SEMA6D: variants seen among roughly 807,000 people sequenced by gnomAD.
SEMA6D encodes semaphorin 6D.
Under a neutral mutation model 106.6 loss-of-function variants are expected in SEMA6D, and 35 were observed. The observed-to-expected ratio is 0.33, with a 90% CI of 0.25 to 0.44. The LOEUF (loss-of-function observed/expected upper bound fraction) is 0.44, where lower values mean the gene tolerates loss of function less well. Ranked by LOEUF, SEMA6D falls within the 20% of genes least tolerant of loss-of-function variation. The pLI, the probability that SEMA6D is intolerant of heterozygous loss-of-function variation, is 1.00. For synonymous variants in SEMA6D, 499 were observed against 487.7 expected, an observed-to-expected ratio of 1.02 and a Z score of -0.31; for missense variants, 1,185 against 1,345.9, an observed-to-expected ratio of 0.88 and a Z score of 1.87.
At chr15:47,522,032 G>A (rs931541512) in intron 3 of SEMA6D, among the ~76,000 whole-genome samples, 2 of 151,954 alleles carry the variant, frequency 1.3e-5, no homozygotes, top group Non-Finnish European at 2.9e-5. Flanking sequence ...GACCTTTAAG[G>A]GAACTATATC....
chr15:47,726,552 A>G (rs1055821034), intron 1 of SEMA6D, among the ~76,000 whole-genome samples: 5 of 152,202 alleles, frequency 3.3e-5, no homozygotes, highest in African/African-American at 1.2e-4. Context: ...CTTGGAGTCA[A>G]CTTCGTGGGG....
chr15:47,466,494 G>C (rs2042663842), intron 2 of SEMA6D, among the ~76,000 whole-genome samples: 1 of 151,984 alleles, frequency 6.6e-6, no homozygotes, highest in Non-Finnish European at 1.5e-5. Context: ...TTTTCCTTTT[G>C]TTAAGGGCTG....
intron 1 of SEMA6D, chr15:47,274,869 G>A (rs1453882862): frequency 6.6e-6 from 1 of 152,146 alleles, no homozygotes; most frequent in African/African-American, 2.4e-5. Flanking sequence ...ATTTGTCTAT[G>A]AAGATAAGGA....
rs74013819 is a variant in SEMA6D at position 47,584,757 on chromosome 15, A to G, written c.-86-16108A>G. On this transcript the variant is annotated intron_variant, in intron 3 of 19. Transcript: ENST00000558014. ...ACTTTCCATTTCCTCTCATACCCCC[A>G]GGGCAAAGCAGCCTTCTGGGGATGG... 9.8e-3 allele frequency among the ~76,000 whole-genome samples: 1,487 copies of G among 152,302 alleles called. 27 individuals carry two copies. Among genetic ancestry groups the G allele is most frequent in the African/African-American group, 0.034 (1,431 of 41,570 alleles).
chr15:47,220,543 G>A (rs1365935586), intron 1 of SEMA6D, among the ~76,000 whole-genome samples: 2 of 152,138 alleles, frequency 1.3e-5, no homozygotes, highest in Non-Finnish European at 2.9e-5. Context: ...GAGTTCCTGA[G>A]CTAAGCATGA....
intron 1 of SEMA6D, among the ~76,000 whole-genome samples, chr15:47,393,098 C>T (rs1046582173): frequency 1.2e-4 from 18 of 152,198 alleles, no homozygotes; most frequent in African/African-American, 4.3e-4. Context: ...AGTAGGAAAA[C>T]ATATATGGGC....
intron 3 of SEMA6D, among the ~76,000 whole-genome samples, chr15:47,541,841 A>G (rs1278684586): frequency 6.6e-6 from 1 of 151,466 alleles, no homozygotes; most frequent in Non-Finnish European, 1.5e-5. Context: ...TGGTAGATTC[A>G]GAGCTGTTCT....
intron 3 of SEMA6D, among the ~76,000 whole-genome samples, chr15:47,521,062 A>G (rs537384514): frequency 6.6e-6 from 1 of 152,310 alleles, no homozygotes; most frequent in South Asian, 2.1e-4. Flanking sequence ...GCCTCCTCTC[A>G]TAGGTGTTGG....
At chr15:47,482,014 T>G (rs551111694) in intron 3 of SEMA6D, among the ~76,000 whole-genome samples, 5 of 151,984 alleles carry the variant, frequency 3.3e-5, no homozygotes, top group African/African-American at 1.2e-4. Context: ...GTAACGAGAG[T>G]TGGACAGAGT....
intron 1 of SEMA6D, among the ~76,000 whole-genome samples, chr15:47,297,837 AATGGGGTG>A (rs2035865409): frequency 6.6e-6 from 1 of 152,088 alleles, no homozygotes. Context: ...GGGATGGGGC[AATGGGGTG>A]ATAGTTTCAT....
chr15:47,676,113 C>T (rs927091280), intron 4 of SEMA6D, among the ~76,000 whole-genome samples: 27 of 152,178 alleles, frequency 1.8e-4, no homozygotes, highest in African/African-American at 5.3e-4. Flanking sequence ...TGCCTACCCG[C>T]GGCATTGGTA....
At chr15:47,552,817 A>AAT (rs1456894382) in intron 3 of SEMA6D, among the ~76,000 whole-genome samples, 6,377 of 12,936 alleles carry the variant, frequency 0.49, 1,107 homozygotes, top group South Asian at 0.58. Flanking sequence ...AATATATATA[A>AAT]ATATATATAT....
At chr15:47,332,735 G>C (rs916018804) in intron 1 of SEMA6D, among the ~76,000 whole-genome samples, 1 of 152,196 alleles carries the variant, frequency 6.6e-6, no homozygotes, top group African/African-American at 2.4e-5. Context: ...TTATCTGCCA[G>C]ATTAGCCTTT....
At chr15:47,303,105 CT>C (rs2036087221) in intron 1 of SEMA6D, among the ~76,000 whole-genome samples, 1 of 152,154 alleles carries the variant, frequency 6.6e-6, no homozygotes, top group Non-Finnish European at 1.5e-5. Flanking sequence ...GAGAAATAGC[CT>C]TTTCTTTTAG....
intron 1 of SEMA6D, among the ~76,000 whole-genome samples, chr15:47,409,969 C>T (rs765004315): frequency 1.6e-4 from 25 of 151,964 alleles, no homozygotes; most frequent in Admixed American, 5.9e-4. Flanking sequence ...TTCTGAAAGT[C>T]GGTGTTAGAA....
intron 4 of SEMA6D, among the ~76,000 whole-genome samples, chr15:47,681,082 G>T (rs980417127): frequency 6.6e-6 from 1 of 152,086 alleles, no homozygotes. Flanking sequence ...CCCACTTCTG[G>T]GTATTTATGC....
At chr15:47,448,804 G>T (rs956024760) in intron 2 of SEMA6D, among the ~76,000 whole-genome samples, 3 of 152,084 alleles carry the variant, frequency 2.0e-5, no homozygotes, top group Admixed American at 1.3e-4. Flanking sequence ...AGAGGACTCG[G>T]TCTTCATCTT....
intron 3 of SEMA6D, among the ~76,000 whole-genome samples, chr15:47,593,345 C>T (rs2076474597): frequency 7.5e-6 from 1 of 133,982 alleles, no homozygotes; most frequent in African/African-American, 2.8e-5. Flanking sequence ...GCAGAGCTTG[C>T]AGTGGAGCTG....
intron 4 of SEMA6D, among the ~76,000 whole-genome samples, chr15:47,601,678 T>C (rs2076662269): frequency 6.6e-6 from 1 of 152,176 alleles, no homozygotes; most frequent in Non-Finnish European, 1.5e-5. Context: ...TTGCAATACG[T>C]TTGGCAGAAA....
Sources: gnomAD v4.1 joint callset for allele counts (sites outside exome capture counted in the v4.1 genomes callset) on GRCh38, gnomAD v4.1.1 for gene constraint, MANE v1.5 for transcripts, NCBI Gene and HGNC (gene_info 2026-07-23, HGNC 2026-07-21) for gene names.